PHF24: variants seen among roughly 807,000 people sequenced by gnomAD.
PHF24 encodes the protein Galpha inhibitory interacting protein.
In PHF24, 25 loss-of-function variants were observed where a neutral mutation model predicts 42.6. The observed-to-expected ratio is 0.59, with a 90% confidence interval of 0.43 to 0.82. PHF24 has a LOEUF of 0.82. PHF24 is among the 40% of genes least tolerant of loss of function. The pLI, the probability that PHF24 is intolerant of heterozygous loss-of-function variation, is 0.00. For missense variants in PHF24, 470 were observed against 538.1 expected (o/e 0.87, Z 1.25); for synonymous variants, 185 against 204.8 (o/e 0.90, Z 0.83).
chr9:34,841,028 C>G, the PHF24 span, among the ~76,000 whole-genome samples: 3 of 151,936 alleles, frequency 2.0e-5, no homozygotes, highest in East Asian at 5.8e-4. Context: ...GAGACAGAGT[C>G]TCGCTCTGTC....
chr9:34,749,730 C>G, the PHF24 span, among the ~76,000 whole-genome samples: 1 of 150,888 alleles, frequency 6.6e-6, no homozygotes, highest in Admixed American at 6.6e-5. Context: ...AGGTTTTAAG[C>G]CCCACATGCA....
At chr9:34,741,334 A>C in the PHF24 span, among the ~76,000 whole-genome samples, 1 of 152,028 alleles carries the variant, frequency 6.6e-6, no homozygotes, top group Non-Finnish European at 1.5e-5. Flanking sequence ...GTTACAAGGC[A>C]GTATTTCTTT....
chr9:34,884,132 G>A, the PHF24 span, among the ~76,000 whole-genome samples: 1 of 152,086 alleles, frequency 6.6e-6, no homozygotes, highest in Non-Finnish European at 1.5e-5. Context: ...ACCAAGCACC[G>A]CATGTTCTCA....
chr9:34,959,043 C>T (rs375506929), intron 1 of PHF24, among the ~76,000 whole-genome samples: 4 of 152,218 alleles, frequency 2.6e-5, no homozygotes, highest in Non-Finnish European at 5.9e-5. Flanking sequence ...CCTCCTCTTT[C>T]CCCATTCGGA....
At chr9:34,737,644 A>G in the PHF24 span, among the ~76,000 whole-genome samples, 4 of 152,300 alleles carry the variant, frequency 2.6e-5, no homozygotes, top group East Asian at 5.8e-4. Context: ...GCACCATTTT[A>G]CATTTTCACC....
At chr9:34,915,471 A>G in the PHF24 span, among the ~76,000 whole-genome samples, 3 of 152,042 alleles carry the variant, frequency 2.0e-5, no homozygotes, top group Non-Finnish European at 2.9e-5. Context: ...ATTTTGAACA[A>G]GAAACATTAA....
chr9:34,947,719 T>C, the PHF24 span, among the ~76,000 whole-genome samples: 3 of 152,188 alleles, frequency 2.0e-5, no homozygotes, highest in African/African-American at 7.2e-5. Context: ...GTGATATTAA[T>C]GATCCTGACT....
At chr9:34,703,870 G>C in the PHF24 span, among the ~76,000 whole-genome samples, 1 of 151,750 alleles carries the variant, frequency 6.6e-6, no homozygotes, top group Non-Finnish European at 1.5e-5. Flanking sequence ...CTGGCCGACT[G>C]CTTACTTTGG....
the PHF24 span, among the ~76,000 whole-genome samples, chr9:34,916,180 C>T: frequency 6.6e-6 from 1 of 152,180 alleles, no homozygotes; most frequent in African/African-American, 2.4e-5. Context: ...CTAATACAAT[C>T]CTCTATCACT....
the PHF24 span, among the ~76,000 whole-genome samples, chr9:34,669,103 C>G: frequency 6.6e-6 from 1 of 152,192 alleles, no homozygotes; most frequent in African/African-American, 2.4e-5. Flanking sequence ...GTACACCTTA[C>G]ACGTATTGAT....
the PHF24 span, among the ~76,000 whole-genome samples, chr9:34,695,865 T>C: frequency 3.3e-5 from 5 of 152,082 alleles, no homozygotes; most frequent in Non-Finnish European, 4.4e-5. Flanking sequence ...ACTGATATAA[T>C]TGGCAGTACC....
the PHF24 span, among the ~76,000 whole-genome samples, chr9:34,738,683 G>C: frequency 9.3e-4 from 141 of 152,314 alleles, no homozygotes; most frequent in African/African-American, 3.1e-3. Flanking sequence ...ATGGGACCCA[G>C]TTCTGACTAA....
chr9:34,879,776 T>G, the PHF24 span, among the ~76,000 whole-genome samples: 7 of 152,012 alleles, frequency 4.6e-5, no homozygotes, highest in South Asian at 2.1e-4. Context: ...AAAACACTCT[T>G]CAGGATATTA....
chr9:34,948,113 A>C, the PHF24 span, among the ~76,000 whole-genome samples: 1,251 of 151,518 alleles, frequency 8.3e-3, 19 homozygotes, highest in East Asian at 0.059. Context: ...CCGTCTCAAA[A>C]AAAAAAAAAA....
chr9:34,744,679 C>T, the PHF24 span, among the ~76,000 whole-genome samples: 7 of 152,306 alleles, frequency 4.6e-5, no homozygotes, highest in African/African-American at 1.4e-4. Flanking sequence ...GGTAGAGTTA[C>T]AGCACATATG....
chr9:34,895,520 C>G, the PHF24 span: 1 of 398,358 alleles, frequency 2.5e-6, no homozygotes, highest in Admixed American at 4.4e-5. Context: ...AGAGAAAGCT[C>G]GGGGATAAAA....
At chr9:34,962,132 C>A (rs1047943156) in intron 1 of PHF24, among the ~76,000 whole-genome samples, 1 of 152,244 alleles carries the variant, frequency 6.6e-6, no homozygotes, top group Non-Finnish European at 1.5e-5. Flanking sequence ...AAATCCAATT[C>A]TCTGGGATTT....
chr9:34,890,851 C>A, the PHF24 span, among the ~76,000 whole-genome samples: 1 of 152,188 alleles, frequency 6.6e-6, no homozygotes, highest in Non-Finnish European at 1.5e-5. Flanking sequence ...GCCTCTCTAG[C>A]GGTACCATCT....
the PHF24 span, among the ~76,000 whole-genome samples, chr9:34,896,229 G>A: frequency 6.6e-6 from 1 of 152,228 alleles, no homozygotes; most frequent in South Asian, 2.1e-4. Context: ...TAGAGGATAG[G>A]GCAAGCATCA....
Sources: allele counts gnomAD v4.1 joint callset (sites outside exome capture counted in the v4.1 genomes callset), GRCh38; gene constraint gnomAD v4.1.1; transcripts MANE v1.5; gene names NCBI Gene and HGNC (gene_info 2026-07-23, HGNC 2026-07-21).